GRM8: variants seen among roughly 807,000 people sequenced by gnomAD.
GRM8 encodes the protein glutamate metabotropic receptor 8, also known as metabotropic glutamate receptor 8.
Under a neutral mutation model 87.2 loss-of-function variants are expected in GRM8, and 47 were observed. The ratio of observed to expected loss-of-function variants is 0.54; its 90% CI spans 0.43 to 0.69. The LOEUF (loss-of-function observed/expected upper bound fraction) is 0.69, where lower values mean the gene tolerates loss of function less well. Among genes scored for constraint, GRM8 ranks in the 30% least tolerant of loss-of-function variants. GRM8 has a pLI of 0.00. For synonymous variants in GRM8, 396 were observed against 404.5 expected, an observed-to-expected ratio of 0.98 and a Z score of 0.25; for missense variants, 1,019 against 1,139.2, an observed-to-expected ratio of 0.89 and a Z score of 1.52.
intron 3 of GRM8, among the ~76,000 whole-genome samples, chr7:126,971,720 T>A (rs1464533178): frequency 1.3e-5 from 2 of 152,030 alleles, no homozygotes; most frequent in East Asian, 3.9e-4. Flanking sequence ...AGGTTTTGAG[T>A]TTGGACAGGT....
At chr7:127,178,429 G>C (rs1794238081) in intron 2 of GRM8, among the ~76,000 whole-genome samples, 2 of 152,160 alleles carry the variant, frequency 1.3e-5, no homozygotes, top group African/African-American at 2.4e-5. Flanking sequence ...AAACATATTT[G>C]GGGGAATAAT....
At chr7:126,440,198 G>A (rs1021500720) in intron 10 of GRM8, among the ~76,000 whole-genome samples, 48 of 151,770 alleles carry the variant, frequency 3.2e-4, no homozygotes, top group Non-Finnish European at 3.2e-4. Context: ...TGGATCACGA[G>A]GTCAGGAGTT....
chr7:126,650,607 G>A (rs1803709864), intron 7 of GRM8, among the ~76,000 whole-genome samples: 1 of 152,090 alleles, frequency 6.6e-6, no homozygotes, highest in Non-Finnish European at 1.5e-5. Flanking sequence ...TCAGGGACTT[G>A]GAAGAAGCAT....
At chr7:126,479,027 C>T (rs923745472) in intron 9 of GRM8, among the ~76,000 whole-genome samples, 4 of 151,956 alleles carry the variant, frequency 2.6e-5, no homozygotes, top group Admixed American at 1.3e-4. Flanking sequence ...GATCTTTAGT[C>T]TCTACATCAA....
chr7:126,556,874 T>C (rs1390978478), intron 8 of GRM8, among the ~76,000 whole-genome samples: 1 of 152,186 alleles, frequency 6.6e-6, no homozygotes, highest in Non-Finnish European at 1.5e-5. Context: ...TAATCAGATA[T>C]AAATGAAAGA....
chr7:126,777,744 A>G (rs1819633439), intron 6 of GRM8, among the ~76,000 whole-genome samples: 2 of 152,154 alleles, frequency 1.3e-5, no homozygotes, highest in African/African-American at 2.4e-5. Flanking sequence ...TACACTTAAA[A>G]AGGAAAAAAG....
intron 6 of GRM8, among the ~76,000 whole-genome samples, chr7:126,884,320 C>A (rs1800288233): frequency 6.6e-6 from 1 of 151,944 alleles, no homozygotes; most frequent in South Asian, 2.1e-4. Flanking sequence ...AATGAGCAGC[C>A]AGATCAATTG....
At chr7:127,230,299 C>A (rs1797602876) in intron 2 of GRM8, among the ~76,000 whole-genome samples, 1 of 152,040 alleles carries the variant, frequency 6.6e-6, no homozygotes, top group African/African-American at 2.4e-5. Flanking sequence ...CCTAGAGACT[C>A]CTAAAATAAT....
rs1318386911 is a variant in GRM8 at position 126,532,762 on chromosome 7, GAGATATATATATATATATATATATATAT to G, written c.2430+162_2430+189del. ...CAAAGCAATGTGACCTTGACGGATG[GAGATATATATATATATATATATATATAT>G]ATATATATATATATATATATATATA... is the stretch of plus-strand genomic sequence containing the variant. On this transcript the variant is annotated intron_variant, in intron 9 of 10. Transcript: ENST00000339582. Among the ~76,000 whole-genome samples, 389 of 80,536 alleles carry G rather than the reference GAGATATATATATATATATATATATATAT, an allele frequency of 4.8e-3. 3 individuals carry two copies. Among genetic ancestry groups the G allele is most frequent in the African/African-American group, 0.017 (381 of 22,388 alleles). The allele number at this position is 80,536 out of a possible 152,430, so 52.8% of individuals were successfully genotyped here.
Position 127,031,839 on chromosome 7 carries a change from C to A in GRM8, c.727+74657G>T, listed in dbSNP as rs532379910. 3.0e-4 allele frequency among the ~76,000 whole-genome samples: 45 copies of A among 152,232 alleles called. 1 individual carries two copies. The South Asian group carries it at 9.3e-3, about 32-fold the overall frequency. ...TCTTCTTAAGCTCCATAAGTGCCTG[C>A]AGAACTCCACCATTTCCAGGGCCAA... On this transcript the variant is annotated intron_variant, in intron 3 of 10. Coordinates refer to ENST00000339582, the MANE Select transcript of GRM8 (RefSeq NM_000845.3).
In GRM8 at chr7:126,446,339, T is replaced by C. The variant is rs1395647143; in HGVS notation, c.2464A>G (p.Met822Val). ...AGAGATACTGAAGCACTTAAACTCA[T>C]GGAGACAGTAAGTGTTGTTGTCTGG... ...YIQTTTLTVS[M>V]SLSASVSLGM... The change falls in exon 10 of 11, where the codon ATG becomes GTG. Residue 822 changes from methionine (M) to valine (V), a missense_variant. By Grantham distance (21) the Met-to-Val change is conservative. Coordinates refer to ENST00000339582, the MANE Select transcript of GRM8 (RefSeq NM_000845.3). The C allele has an allele frequency of 1.2e-6, 2 of 1,609,614 alleles. No homozygotes were observed. The highest frequency in any genetic ancestry group is 2.2e-5 in the South Asian group (2 of 90,978).
At chr7:127,221,747 C>A (rs570503472) in intron 2 of GRM8, among the ~76,000 whole-genome samples, 1 of 152,272 alleles carries the variant, frequency 6.6e-6, no homozygotes, top group African/African-American at 2.4e-5. Context: ...TATACTGGTC[C>A]AGGCCCCACA....
intron 7 of GRM8, among the ~76,000 whole-genome samples, chr7:126,672,940 A>C (rs1806538681): frequency 6.6e-6 from 1 of 152,142 alleles, no homozygotes; most frequent in Admixed American, 6.5e-5. Context: ...AGGCGAAAGC[A>C]GTTAAGATAG....
At chr7:126,450,504 T>C (rs1305295270) in intron 9 of GRM8, among the ~76,000 whole-genome samples, 1 of 151,922 alleles carries the variant, frequency 6.6e-6, no homozygotes, top group East Asian at 1.9e-4. Context: ...TGTATTTCTC[T>C]GCTTCTGTTT....
At chr7:126,646,085 T>G (rs1226838551) in intron 7 of GRM8, among the ~76,000 whole-genome samples, 4 of 152,188 alleles carry the variant, frequency 2.6e-5, no homozygotes, top group African/African-American at 4.8e-5. Flanking sequence ...TCCCTCCACA[T>G]GCCCAGGGGC....
At chr7:126,902,803 G>T (rs1451961945) in intron 5 of GRM8, 124 bp from the exon 6 acceptor site, 2 of 615,460 alleles carry the variant, frequency 3.2e-6, no homozygotes, top group Non-Finnish European at 2.6e-6. Context: ...CATAACAAAT[G>T]AGAGAAAGCC....
chr7:127,199,878 T>G (rs1435161802), intron 2 of GRM8, among the ~76,000 whole-genome samples: 1 of 152,128 alleles, frequency 6.6e-6, no homozygotes, highest in Non-Finnish European at 1.5e-5. Flanking sequence ...CTATTCAGTT[T>G]ATTATACTAT....
At chr7:126,805,572 T>C (rs1191414273) in intron 6 of GRM8, among the ~76,000 whole-genome samples, 1 of 152,190 alleles carries the variant, frequency 6.6e-6, no homozygotes, top group African/African-American at 2.4e-5. Flanking sequence ...TCAGGTGCAG[T>C]ACCCATGGAT....
At chr7:126,891,843 T>G (rs970451543) in intron 6 of GRM8, among the ~76,000 whole-genome samples, 1 of 151,956 alleles carries the variant, frequency 6.6e-6, no homozygotes, top group African/African-American at 2.4e-5. Flanking sequence ...GAACATGTCC[T>G]TGACATCTAA....
Sources: allele counts gnomAD v4.1 joint callset (sites outside exome capture counted in the v4.1 genomes callset), GRCh38; gene constraint gnomAD v4.1.1; transcripts MANE v1.5; gene names NCBI Gene and HGNC (gene_info 2026-07-23, HGNC 2026-07-21).